STARD9: variants seen among roughly 807,000 people sequenced by gnomAD.
The protein encoded by STARD9 is stAR-related lipid transfer protein 9.
STARD9 carries 346 observed loss-of-function variants against 399.8 expected under a neutral mutation model. The ratio of observed to expected loss-of-function variants is 0.87; its 90% confidence interval spans 0.79 to 0.95. The LOEUF (loss-of-function observed/expected upper bound fraction) is 0.95. STARD9 is among the 40% of genes least tolerant of loss of function. STARD9 has a pLI of 0.00. For missense variants in STARD9, 5,832 were observed against 5,667.5 expected, an observed-to-expected ratio of 1.03 and a Z score of -0.93; for synonymous variants, 2,203 against 2,143.5, an observed-to-expected ratio of 1.03 and a Z score of -0.77.
chr15:42,657,489 A>G (rs530655116), intron 9 of STARD9, among the ~76,000 whole-genome samples: 1 of 152,348 alleles, frequency 6.6e-6, no homozygotes, highest in East Asian at 1.9e-4. Context: ...CCAAACCTCA[A>G]AATACATGAA....
At chr15:42,707,009 G>T (rs2061102658) in intron 26 of STARD9, among the ~76,000 whole-genome samples, 1 of 151,934 alleles carries the variant, frequency 6.6e-6, no homozygotes, top group South Asian at 2.1e-4. Context: ...TTATATTTTA[G>T]AATTTTGCAT....
Position 42,694,317 on chromosome 15 carries a change from T to C in STARD9, c.12739T>C (p.Ser4247Pro), listed in dbSNP as rs2140303678. The C allele has an allele frequency of 6.6e-7, 1 of 1,519,862 alleles. No homozygotes were observed. The highest frequency in any genetic ancestry group is 8.8e-7 in the Non-Finnish European group (1 of 1,137,124). The allele number at this position is 1,519,862 out of a possible 1,614,324, so 94.1% of individuals were successfully genotyped here. Residue 4247 changes from serine to proline, a missense_variant, in exon 23 of 33, where the codon TCC (serine) becomes CCC (proline). This residue lies in a region of STARD9 where 5,828 missense variants were observed against 5,651.1 expected (regional missense o/e 1.03). Transcript: ENST00000290607. ...GCTTGCTGCTGATGAACCTGTGACA[T>C]CCACCTGGAAGGAGCTCTATGCACG... ...EALAADEPVT[S>P]TWKELYARQK...
chr15:42,669,206 G>T lies in STARD9; in HGVS notation c.1366G>T (p.Ala456Ser). 1 of 1,536,416 alleles carries T rather than the reference G, an allele frequency of 6.5e-7. No homozygotes were observed. Among genetic ancestry groups the T allele is most frequent in the Non-Finnish European group, 8.7e-7 (1 of 1,146,250 alleles). Reference protein sequence around the residue: ...DWTQKWNDWQALMEHYSVDIN... With the variant: ...DWTQKWNDWQSLMEHYSVDIN... ...GACCCAGAAGTGGAATGATTGGCAG[G>T]CCCTCATGGAGCATTACAGTGTGGA... Residue 456 changes from alanine to serine, a missense_variant, in exon 16 of 33, where the codon GCC becomes TCC. Transcript: ENST00000290607.
chr15:42,668,194 C>T (rs1245950642), intron 15 of STARD9, among the ~76,000 whole-genome samples: 1 of 152,190 alleles, frequency 6.6e-6, no homozygotes, highest in African/African-American at 2.4e-5. Context: ...TGCCACTCAC[C>T]AATGCCAGGG....
chr15:42,585,412 C>A, intron 2 of STARD9, 109 bp from the exon 3 acceptor site: 2 of 628,318 alleles, frequency 3.2e-6, no homozygotes, highest in Non-Finnish European at 5.6e-6. Flanking sequence ...TATAAACAGT[C>A]TCATGACCAG....
chr15:42,617,594 A>G (rs1170358059), intron 3 of STARD9, among the ~76,000 whole-genome samples: 1 of 152,228 alleles, frequency 6.6e-6, no homozygotes, highest in Non-Finnish European at 1.5e-5. Context: ...AATGGGGGGA[A>G]TGTGAGTATG....
chr15:42,635,054 TG>T, intron 4 of STARD9, 82 bp downstream of exon 4: 2 of 655,180 alleles, frequency 3.1e-6, no homozygotes, highest in African/African-American at 1.9e-5. Flanking sequence ...AGACAGAATA[TG>T]ATTTCTGTAG....
chr15:42,684,840 C>T lies in STARD9; in HGVS notation c.3262C>T (p.Pro1088Ser), dbSNP rs989210332. 2.6e-6 allele frequency: 4 copies of T among 1,537,032 alleles called. No homozygotes were observed. Among genetic ancestry groups the T allele is most frequent in the African/African-American group, 2.7e-5 (2 of 73,038 alleles). The change falls in exon 23 of 33, where the codon CCA (proline) becomes TCA (serine). Residue 1088 changes from proline (P) to serine (S), a missense_variant. Physicochemically the swap from Pro to Ser is moderately conservative, Grantham distance 74. Transcript: ENST00000290607. ...DTMVPLTDFS[P>S]VMDHSREKDN... ...CATGGTCCCACTCACAGATTTCAGC[C>T]CAGTAATGGATCATTCAAGAGAAAA...
At chr15:42,712,611 A>G (rs547226060) in intron 26 of STARD9, among the ~76,000 whole-genome samples, 1 of 152,344 alleles carries the variant, frequency 6.6e-6, no homozygotes, top group Non-Finnish European at 1.5e-5. Flanking sequence ...ACCCTTGTCA[A>G]AGATCAGTTG....
intron 3 of STARD9, among the ~76,000 whole-genome samples, chr15:42,607,415 C>T (rs2058753092): frequency 6.6e-6 from 1 of 151,608 alleles, no homozygotes; most frequent in Non-Finnish European, 1.5e-5. Context: ...GTTGGCCAGG[C>T]TGGTCTCAAA....
In STARD9 at chr15:42,686,416, C is replaced by T. The variant is rs529751938; in HGVS notation, c.4838C>T (p.Ala1613Val). 84 of 1,537,664 alleles carry T rather than the reference C, an allele frequency of 5.5e-5. No homozygotes were observed. Among genetic ancestry groups the T allele is most frequent in the Admixed American group, 7.8e-5 (4 of 50,992 alleles). The change falls in exon 23 of 33, where the codon GCG (alanine) becomes GTG (valine). Residue 1613 changes from alanine (A) to valine (V), a missense_variant. Physicochemically the swap from Ala to Val is moderately conservative, Grantham distance 64. This residue lies in a region of STARD9 where 5,828 missense variants were observed against 5,651.1 expected (regional missense o/e 1.03). Transcript: ENST00000290607. Reference protein sequence around the residue: ...TNAQVFATENAIPDSMTEACE... With the variant: ...TNAQVFATENVIPDSMTEACE... The stretch of plus-strand genomic sequence containing the variant: ...GCACAGGTCTTTGCAACAGAGAACG[C>T]GATACCAGATTCCATGACAGAAGCA...
At chr15:42,695,380 A>G (rs1186591967) in intron 25 of STARD9, 57 bp downstream of exon 25, 26 of 1,429,634 alleles carry the variant, frequency 1.8e-5, no homozygotes, top group Non-Finnish European at 2.3e-5. Flanking sequence ...AGACTGGTAC[A>G]CCTTCACCGT....
rs541657557 is a variant in STARD9 at position 42,596,534 on chromosome 15, A to G, written c.234+10897A>G. ...GATCTGTATGTCCACCACAGTAGAC[A>G]GGCATGCACAGGCAGACTGCTAACA... On this transcript the variant is annotated intron_variant, in intron 3 of 32. Transcript: ENST00000290607. 1.4e-4 allele frequency among the ~76,000 whole-genome samples: 22 copies of G among 152,342 alleles called. No homozygotes were observed. In the East Asian group the frequency reaches 2.3e-3, roughly 16 times the overall value.
Position 42,693,687 on chromosome 15 carries a change from G to A in STARD9, c.12109G>A (p.Ala4037Thr). 1.1e-5 allele frequency: 17 copies of A among 1,537,174 alleles called. No individual in the cohort carries two copies. The highest frequency in any genetic ancestry group is 1.5e-5 in the Non-Finnish European group (17 of 1,146,918). Residue 4037 changes from alanine to threonine, a missense_variant, in exon 23 of 33, where the codon GCT becomes ACT. Physicochemically the swap from Ala to Thr is moderately conservative, Grantham distance 58. Coordinates refer to ENST00000290607, the MANE Select transcript of STARD9 (RefSeq NM_020759.3). ...LGNSFVPEKVASPEHCPLSGR... is the reference protein window; with the variant it reads ...LGNSFVPEKVTSPEHCPLSGR... Reference sequence around the variant, plus strand: ...CAACAGCTTTGTGCCTGAGAAGGTGGCTTCCCCGGAGCATTGCCCACTGAG... The same window carrying A: ...CAACAGCTTTGTGCCTGAGAAGGTGACTTCCCCGGAGCATTGCCCACTGAG...
At position 42,684,990 on chromosome 15, in the gene STARD9, A is replaced by G; in HGVS notation, c.3412A>G (p.Asn1138Asp). 1 of 1,537,086 alleles carries G rather than the reference A, an allele frequency of 6.5e-7. No individual in the cohort carries two copies. Among genetic ancestry groups the G allele is most frequent in the Non-Finnish European group, 8.7e-7 (1 of 1,146,918 alleles). ...GAAATGGGATTTCCCAGAGCCAGAG[A>G]ACTCTGAAAGTGATGACAGCCAACT... ...ERKWDFPEPE[N>D]SESDDSQLSE... Residue 1138 changes from asparagine (N) to aspartate (D), a missense_variant, in exon 23 of 33, where the codon AAC becomes GAC. Around this residue, in one of 2 missense-constraint regions of STARD9, gnomAD observed 5,828 missense variants for 5,651.1 expected, o/e 1.03. Coordinates refer to ENST00000290607, the MANE Select transcript of STARD9 (RefSeq NM_020759.3).
In STARD9 at chr15:42,712,111, A is replaced by ATTATATATT. The variant is rs55808206; in HGVS notation, c.13285-4566_13285-4565insTTATATATT. 1.3e-3 allele frequency among the ~76,000 whole-genome samples: 4 copies of ATTATATATT among 3,180 alleles called. 1 individual carries two copies. The highest frequency in any genetic ancestry group is 0.015 in the East Asian group (2 of 134). 2.1% of individuals were successfully genotyped at this position (3,180 alleles called of 152,430 possible). A position where few individuals can be genotyped will look rare whatever the true frequency, so the allele number is the denominator to read the frequency against. Reference sequence around the variant, plus strand: ...TATATATATATAATATATAATATATAATATATAATATATATATAAATGTGC... The same window carrying ATTATATATT: ...TATATATATATAATATATAATATATATTATATATTATATATAATATATATATAAATGTGC... On this transcript the variant is annotated intron_variant, in intron 26 of 32. Transcript: ENST00000290607.
chr15:42,675,390 C>G (rs929316852), intron 18 of STARD9: 2 of 494,380 alleles, frequency 4.0e-6, no homozygotes, highest in Non-Finnish European at 7.2e-6. Context: ...TCTTTTGAGA[C>G]TGAGCTGAGA....
At chr15:42,676,711 G>A (rs1223782777) in intron 20 of STARD9, among the ~76,000 whole-genome samples, 1 of 152,042 alleles carries the variant, frequency 6.6e-6, no homozygotes, top group African/African-American at 2.4e-5. Flanking sequence ...ATTCCTGTAC[G>A]TCAAAGTGAC....
Position 42,583,420 on chromosome 15 carries a change from G to A in STARD9, c.117+5G>A. On this transcript the variant is annotated splice_donor_5th_base_variant and intron_variant, in intron 2 of 32. Coordinates refer to ENST00000290607, the MANE Select transcript of STARD9 (RefSeq NM_020759.3). Reference sequence around the variant, plus strand: ...GCAAAAATCAGGAATTTAAAGGTAAGCCTGAAATTGTTTTTCATTTTCTTT... The same window carrying A: ...GCAAAAATCAGGAATTTAAAGGTAAACCTGAAATTGTTTTTCATTTTCTTT... 1 of 1,533,636 alleles carries A rather than the reference G, an allele frequency of 6.5e-7. No individual in the cohort carries two copies. Among genetic ancestry groups the A allele is most frequent in the Non-Finnish European group, 8.7e-7 (1 of 1,143,822 alleles).
Sources: gnomAD v4.1 joint callset for allele counts (sites outside exome capture counted in the v4.1 genomes callset) on GRCh38, gnomAD v4.1.1 for gene constraint, gnomAD v4.1.1 regional missense constraint, MANE v1.5 for transcripts, NCBI Gene and HGNC (gene_info 2026-07-23, HGNC 2026-07-21) for gene names.